BPIFB6: variants seen among roughly 807,000 people sequenced by gnomAD.
The protein encoded by BPIFB6 is BPI fold containing family B member 6.
BPIFB6 carries 47 observed loss-of-function variants against 54.7 expected under a neutral mutation model. The observed-to-expected ratio is 0.86, with a 90% CI of 0.68 to 1.10. The LOEUF (loss-of-function observed/expected upper bound fraction) is 1.10. Among genes scored for constraint, BPIFB6 ranks in the 50% least tolerant of loss-of-function variants. BPIFB6 has a pLI of 0.00. For synonymous variants in BPIFB6, 255 were observed against 225.9 expected (o/e 1.13, Z -1.16); for missense variants, 603 against 564.1 (o/e 1.07, Z -0.70).
At chr20:33,042,790 G>A (rs1237037688) in intron 12 of BPIFB6, 25 bp from the exon 13 acceptor site, 1 of 1,609,422 alleles carries the variant, frequency 6.2e-7, no homozygotes, top group East Asian at 2.2e-5. Flanking sequence ...ATGGAATGTG[G>A]ATGCTTTCTC....
At chr20:33,041,075 C>T (rs1295886324) in intron 11 of BPIFB6, among the ~76,000 whole-genome samples, 2 of 151,274 alleles carry the variant, frequency 1.3e-5, no homozygotes, top group East Asian at 1.9e-4. Flanking sequence ...CTGCAAGCTC[C>T]GCCTCCCGGG....
Position 33,035,657 on chromosome 20 carries a change from T to C in BPIFB6, c.562T>C (p.Trp188Arg). 1 of 1,614,166 alleles carries C rather than the reference T, an allele frequency of 6.2e-7. No individual in the cohort carries two copies. Among genetic ancestry groups the C allele is most frequent in the Non-Finnish European group, 8.5e-7 (1 of 1,180,006 alleles). ...AGTCCTGGTGTATGTGAACAGGAAGTGGACCAACCTCAGTGGTGAGTGTAG... is the reference window on the plus strand; with the variant it reads ...AGTCCTGGTGTATGTGAACAGGAAGCGGACCAACCTCAGTGGTGAGTGTAG... The part of the protein sequence containing the change: ...DAVLVYVNRK[W>R]TNLSDPMPVG... Residue 188 changes from tryptophan (W) to arginine (R), a missense_variant, in exon 6 of 15, where the codon TGG (tryptophan) becomes CGG (arginine). Physicochemically the swap from Trp to Arg is moderately radical, Grantham distance 101 (BLOSUM62 -3). Coordinates refer to ENST00000349552, the MANE Select transcript of BPIFB6 (RefSeq NM_174897.2).
At chr20:33,043,169 T>C (rs1003998801) in intron 13 of BPIFB6, 122 bp from the exon 14 acceptor site, 2 of 883,690 alleles carry the variant, frequency 2.3e-6, no homozygotes, top group East Asian at 2.4e-5. Flanking sequence ...TCTTTGCTTG[T>C]ACAGCTGGCA....
chr20:33,043,284 T>A lies in BPIFB6; in HGVS notation c.1253-7T>A, dbSNP rs1343740189. ...CAGGCTGATATGACTCTTACTGTAT[T>A]TCTCAGATGTGCTTCAAGTGGGGCT... On this transcript the variant is annotated splice_region_variant and splice_polypyrimidine_tract_variant and intron_variant, in intron 13 of 14. Coordinates refer to ENST00000349552, the MANE Select transcript of BPIFB6 (RefSeq NM_174897.2). 1 of 1,613,840 alleles carries A rather than the reference T, an allele frequency of 6.2e-7. No homozygotes were observed. The highest frequency in any genetic ancestry group is 1.3e-5 in the African/African-American group (1 of 75,038).
rs775474014 is a variant in BPIFB6 at position 33,031,679 on chromosome 20, G to A, written c.32G>A (p.Ser11Asn). Residue 11 changes from serine to asparagine, a missense_variant, in exon 1 of 15, where the codon AGC (serine) becomes AAC (asparagine). Physicochemically the swap from Ser to Asn is conservative, Grantham distance 46. Transcript: ENST00000349552. MLRILCLALCSLLTGTRADPG... is the reference protein window; with the variant it reads MLRILCLALCNLLTGTRADPG... ...CGGATCCTGTGCCTGGCACTCTGCA[G>A]CCTGCTGACTGGCACGCGAGCTGAC... The A allele has an allele frequency of 2.5e-6, 4 of 1,613,978 alleles. No homozygotes were observed. In the African/African-American group the frequency reaches 5.3e-5, roughly 22 times the overall value.
intron 12 of BPIFB6, 138 bp downstream of exon 12, chr20:33,042,153 C>G (rs1979617915): frequency 1.2e-6 from 1 of 816,664 alleles, no homozygotes; most frequent in South Asian, 1.6e-5. Flanking sequence ...GCGCACCTGA[C>G]TTGCCGTGTG....
rs201893414 is a variant in BPIFB6, at chr20:33,035,626, C to G, written c.531C>G (p.Ile177Met). The G allele has an allele frequency of 1.7e-5, 27 of 1,614,174 alleles. No homozygotes were observed. In the Admixed American group the frequency reaches 4.5e-4, roughly 27 times the overall value. Residue 177 changes from isoleucine to methionine, a missense_variant, in exon 6 of 15, where the codon ATC becomes ATG. Transcript: ENST00000349552. ...TCTGCTTCCAGATGTGTCCCGCCAT[C>G]GATGCAGTCCTGGTGTATGTGAACA... The part of the protein sequence containing the change: ...KVLPGLMCPA[I>M]DAVLVYVNRK...
intron 5 of BPIFB6, among the ~76,000 whole-genome samples, 166 bp downstream of exon 5, chr20:33,035,310 T>C (rs1391206773): frequency 1.3e-5 from 2 of 152,140 alleles, no homozygotes; most frequent in African/African-American, 2.4e-5. Context: ...AATCATCTAG[T>C]GATGTCTGCC....
Position 33,034,714 on chromosome 20 carries a change from G to A in BPIFB6, c.303-49G>A, listed in dbSNP as rs200203270. On this transcript the variant is annotated intron_variant, in intron 3 of 14. Transcript: ENST00000349552. The stretch of plus-strand genomic sequence containing the variant: ...TGAGCAAAGAGAAGGCAGGGAGAGC[G>A]GACACCATGGCAGAGATGCCCATGG... 1,695 of 1,550,330 alleles carry A rather than the reference G, an allele frequency of 1.1e-3. 10 individuals carry two copies. The highest frequency in any genetic ancestry group is 7.7e-3 in the South Asian group (636 of 82,122).
At chr20:33,037,957 C>A (rs939368712) in intron 8 of BPIFB6, among the ~76,000 whole-genome samples, 1 of 152,230 alleles carries the variant, frequency 6.6e-6, no homozygotes, top group African/African-American at 2.4e-5. Flanking sequence ...TCAGTCCGTA[C>A]AACCAACAAT....
intron 11 of BPIFB6, among the ~76,000 whole-genome samples, chr20:33,041,695 G>A (rs892959206): frequency 2.0e-5 from 3 of 152,166 alleles, no homozygotes; most frequent in Non-Finnish European, 2.9e-5. Context: ...TTGGGCAGGA[G>A]CAATAGACAC....
intron 3 of BPIFB6, 112 bp downstream of exon 3, chr20:33,034,402 A>T: frequency 1.2e-6 from 1 of 808,184 alleles, no homozygotes; most frequent in Non-Finnish European, 2.1e-6. Flanking sequence ...GTAATCTGGG[A>T]TGATGTAGAC....
At chr20:33,038,163 T>C (rs911903351) in intron 8 of BPIFB6, among the ~76,000 whole-genome samples, 2 of 152,104 alleles carry the variant, frequency 1.3e-5, no homozygotes, top group African/African-American at 4.8e-5. Flanking sequence ...AATGAATGAA[T>C]GTATGCACCT....
At chr20:33,032,927 G>A in intron 1 of BPIFB6, 57 bp from the exon 2 acceptor site, 1 of 1,406,878 alleles carries the variant, frequency 7.1e-7, no homozygotes. Flanking sequence ...GAGTGGCCTG[G>A]GATACCTGAG....
chr20:33,031,819 G>T, intron 1 of BPIFB6, 75 bp downstream of exon 1: 1 of 1,219,562 alleles, frequency 8.2e-7, no homozygotes, highest in East Asian at 2.4e-5. Flanking sequence ...CACTGCTCTT[G>T]GTTGCACATC....
Position 33,036,457 on chromosome 20 carries a change from TG to T in BPIFB6, c.593del (p.Gly198AlafsTer10). The stretch of plus-strand genomic sequence containing the variant: ...CCTTTTCACACAGACCCCATGCCTG[TG>T]GGCCAGATGGGCACCGTCAAATATG... Reference protein sequence around the residue: ...KWTNLSDPMPVGQMGTVKYVL... With the variant: ...KWTNLSDPMPXGQMGTVKYVL... On this transcript the variant is annotated frameshift_variant, in exon 7 of 15. Transcript: ENST00000349552. LOFTEE classifies it high-confidence loss of function. 1 of 1,613,570 alleles carries T rather than the reference TG, an allele frequency of 6.2e-7. No homozygotes were observed. The highest frequency in any genetic ancestry group is 8.5e-7 in the Non-Finnish European group (1 of 1,179,716).
chr20:33,037,625 T>C lies in BPIFB6; in HGVS notation c.733T>C (p.Phe245Leu). Residue 245 changes from phenylalanine (F) to leucine (L), a missense_variant, in exon 8 of 15, where the codon TTC becomes CTC. Transcript: ENST00000349552. ...TGCTGATGCCGGGGAGGCCCTCACGTTCCCTGAGGGTTATGCCAAAGGCTC... is the reference window on the plus strand; with the variant it reads ...TGCTGATGCCGGGGAGGCCCTCACGCTCCCTGAGGGTTATGCCAAAGGCTC... ...KLADAGEALT[F>L]PEGYAKGSSQ... 1 of 1,613,974 alleles carries C rather than the reference T, an allele frequency of 6.2e-7. No homozygotes were observed. The highest frequency in any genetic ancestry group is 2.2e-5 in the East Asian group (1 of 44,866).
chr20:33,038,488 C>T (rs939864072), intron 8 of BPIFB6, among the ~76,000 whole-genome samples: 1 of 152,154 alleles, frequency 6.6e-6, no homozygotes, highest in Non-Finnish European at 1.5e-5. Flanking sequence ...TCCGTCCACA[C>T]ATCATCCATC....
At chr20:33,043,956 C>T (rs1402505787) in intron 14 of BPIFB6, 59 bp from the exon 15 acceptor site, 7 of 1,591,110 alleles carry the variant, frequency 4.4e-6, no homozygotes, top group Non-Finnish European at 5.2e-6. Flanking sequence ...AGTTCCATTC[C>T]ATCCCTGGGC....
Sources: gnomAD v4.1 joint callset for allele counts (sites outside exome capture counted in the v4.1 genomes callset) on GRCh38, gnomAD v4.1.1 for gene constraint, MANE v1.5 for transcripts, NCBI Gene and HGNC (gene_info 2026-07-23, HGNC 2026-07-21) for gene names.